The following GALNT15 variants were observed in gnomAD, a reference collection of about 807,000 sequenced individuals.
GALNT15 encodes the protein UDP-GalNAc transferase T15.
Under a neutral mutation model 66.8 loss-of-function variants are expected in GALNT15, and 67 were observed. The ratio of observed to expected loss-of-function variants is 1.00; its 90% CI spans 0.82 to 1.23. The LOEUF is 1.23. Among genes scored for constraint, GALNT15 ranks in the 50% most tolerant of loss-of-function variants. The pLI, the probability that GALNT15 is intolerant of heterozygous loss-of-function variation, is 0.00. For synonymous variants in GALNT15, 313 were observed against 311.5 expected (o/e 1.00, Z -0.05); for missense variants, 827 against 804.3 (o/e 1.03, Z -0.34).
rs1491187404 is a variant in GALNT15 at position 16,203,543 on chromosome 3, T to TCTCTCTCA, written c.911+2721_911+2722insTCTCTCAC. Reference sequence around the variant, plus strand: ...CATTCTCTCTCTCTCTCTCTCTCTCTCACACACACACACACACACACACAC... The same window carrying TCTCTCTCA: ...CATTCTCTCTCTCTCTCTCTCTCTCTCTCTCTCACACACACACACACACACACACACAC... On this transcript the variant is annotated intron_variant, in intron 3 of 9. Transcript: ENST00000339732. The surrounding 1 kb of genome is among the most constrained non-coding windows in gnomAD (Gnocchi z 6.2). 1.9e-3 allele frequency among the ~76,000 whole-genome samples: 114 copies of TCTCTCTCA among 61,146 alleles called. 1 individual carries two copies. Among genetic ancestry groups the TCTCTCTCA allele is most frequent in the African/African-American group, 6.0e-3 (109 of 18,300 alleles). 40.1% of individuals were successfully genotyped at this position (61,146 alleles called of 152,430 possible).
chr3:16,200,281 G>T lies in GALNT15; in HGVS notation c.707-338G>T, dbSNP rs2063685370. Among the ~76,000 whole-genome samples, 2 of 152,178 alleles carry T rather than the reference G, an allele frequency of 1.3e-5. No individual in the cohort carries two copies. The highest frequency in any genetic ancestry group is 4.8e-5 in the African/African-American group (2 of 41,444). On this transcript the variant is annotated intron_variant, in intron 2 of 9. Coordinates refer to ENST00000339732, the MANE Select transcript of GALNT15 (RefSeq NM_054110.5). The surrounding 1 kb of genome is among the most constrained non-coding windows in gnomAD (Gnocchi z 4.4). ...AGGGATTATGGGGATTACCACTCAA[G>T]ATGAGATCTGGGTGGGGACAAAGAG...
downstream of GALNT15, among the ~76,000 whole-genome samples, chr3:16,230,616 A>G (rs369694300): frequency 7.2e-5 from 11 of 152,356 alleles, 1 homozygote; most frequent in East Asian, 1.3e-3. The surrounding 1 kb of genome is among the most constrained non-coding windows in gnomAD (Gnocchi z 4.5). Context: ...GATAGTGTAC[A>G]TAATATGTAG....
chr3:16,185,473 G>A (rs2063507511), intron 1 of GALNT15, among the ~76,000 whole-genome samples: 1 of 152,134 alleles, frequency 6.6e-6, no homozygotes. Context: ...TGGAGAGCAG[G>A]TTTCCTAAAA....
chr3:16,201,176 CTTTTTCTT>C (rs2063697280), intron 3 of GALNT15, among the ~76,000 whole-genome samples: 1 of 36,940 alleles, frequency 2.7e-5, no homozygotes, highest in African/African-American at 8.5e-5. Context: ...TTTTCTTTTT[CTTTTTCTT>C]TTTCTTTTTC....
chr3:16,233,124 C>G (rs1432353726), downstream of GALNT15, among the ~76,000 whole-genome samples: 2 of 23,388 alleles, frequency 8.6e-5, no homozygotes, highest in Non-Finnish European at 8.5e-5. Context: ...GAAACGGAGT[C>G]TGGCTGTGTC....
At chr3:16,212,047 C>T (rs1338785199) in intron 5 of GALNT15, among the ~76,000 whole-genome samples, 2 of 152,114 alleles carry the variant, frequency 1.3e-5, no homozygotes, top group Non-Finnish European at 2.9e-5. Context: ...GTCTTCCTGC[C>T]GAATGAACTC....
At position 16,184,865 on chromosome 3, in the gene GALNT15, GT is replaced by G. The variant is rs764735965; in HGVS notation, c.539+9176del. On this transcript the variant is annotated intron_variant, in intron 1 of 9. Transcript: ENST00000339732. This position sits in a 1 kb window ranked among gnomAD's most constrained non-coding sequence, Gnocchi z 5.0. ...CTACCCTCTGCCCTTAGGGGTGAGG[GT>G]GCTGGGTGTTTAATAAACCAACTCT... is the stretch of plus-strand genomic sequence containing the variant. Among the ~76,000 whole-genome samples, 11 of 152,176 alleles carry G rather than the reference GT, an allele frequency of 7.2e-5. No homozygotes were observed. The highest frequency in any genetic ancestry group is 1.6e-4 in the Non-Finnish European group (11 of 68,020).
Position 16,184,970 on chromosome 3 carries a change from G to C in GALNT15, c.539+9280G>C, listed in dbSNP as rs1559676240. 6.6e-6 allele frequency among the ~76,000 whole-genome samples: 1 copy of C among 152,202 alleles called. No homozygotes were observed. Among genetic ancestry groups the C allele is most frequent in the Non-Finnish European group, 1.5e-5 (1 of 68,046 alleles). On this transcript the variant is annotated intron_variant, in intron 1 of 9. Transcript: ENST00000339732. The surrounding 1 kb of genome is among the most constrained non-coding windows in gnomAD (Gnocchi z 5.0). ...CAGCTCTTCAGGGATGCTCTGACTG[G>C]GGAAATCACACTGGTCAGCCAGAGA... is the stretch of plus-strand genomic sequence containing the variant.
At position 16,203,541 on chromosome 3, in the gene GALNT15, T is replaced by TCACACACACACA. The variant is rs1313366291; in HGVS notation, c.911+2719_911+2720insACACACACACAC. Among the ~76,000 whole-genome samples the TCACACACACACA allele has an allele frequency of 3.4e-5, 2 of 58,630 alleles. No homozygotes were observed. Among genetic ancestry groups the TCACACACACACA allele is most frequent in the African/African-American group, 1.1e-4 (2 of 18,778 alleles). The allele number at this position is 58,630 out of a possible 152,430, so 38.5% of individuals were successfully genotyped here. ...CTCATTCTCTCTCTCTCTCTCTCTC[T>TCACACACACACA]CTCACACACACACACACACACACAC... is the stretch of plus-strand genomic sequence containing the variant. On this transcript the variant is annotated intron_variant, in intron 3 of 9. Coordinates refer to ENST00000339732, the MANE Select transcript of GALNT15 (RefSeq NM_054110.5). The surrounding 1 kb of genome is among the most constrained non-coding windows in gnomAD (Gnocchi z 6.2).
At chr3:16,220,898 C>T (rs145483291) in intron 8 of GALNT15, among the ~76,000 whole-genome samples, 94 of 152,298 alleles carry the variant, frequency 6.2e-4, no homozygotes, top group African/African-American at 2.2e-3. Context: ...ATCCATCCGG[C>T]CTCCTTTGGC....
chr3:16,213,903 C>T (rs1053577889), intron 6 of GALNT15, among the ~76,000 whole-genome samples: 4 of 152,218 alleles, frequency 2.6e-5, no homozygotes, highest in African/African-American at 9.6e-5. Context: ...CCAATCCTTT[C>T]CCTAAGTGGG....
chr3:16,243,981 G>C, the GALNT15 span: 119 of 984,810 alleles, frequency 1.2e-4, no homozygotes, highest in Non-Finnish European at 1.4e-4. Flanking sequence ...AGACCTGGGG[G>C]TTGATGACTT....
At position 16,223,691 on chromosome 3, in the gene GALNT15, C is replaced by CT. The variant is rs11293776; in HGVS notation, c.1773+952dup. Among the ~76,000 whole-genome samples, 1,170 of 124,600 alleles carry CT rather than the reference C, an allele frequency of 9.4e-3. 17 individuals are homozygous for CT. The highest frequency in any genetic ancestry group is 0.023 in the African/African-American group (769 of 33,226). The allele number at this position is 124,600 out of a possible 152,430, so 81.7% of individuals were successfully genotyped here. On this transcript the variant is annotated intron_variant, in intron 9 of 9. Transcript: ENST00000339732. ...GGGGCCCACACATGCTCAAAGAAGT[C>CT]TTTTTTTTTTTTTTTTTTTGGGACA...
At position 16,181,193 on chromosome 3, in the gene GALNT15, C is replaced by T. The variant is rs536192290; in HGVS notation, c.539+5503C>T. On this transcript the variant is annotated intron_variant, in intron 1 of 9. Coordinates refer to ENST00000339732, the MANE Select transcript of GALNT15 (RefSeq NM_054110.5). The surrounding 1 kb of genome is among the most constrained non-coding windows in gnomAD (Gnocchi z 5.9). ...TTTCTGGCCCTGGAGGCTGCTAAATCATCATAAATGTGCAGGTACATTGGA... is the reference window on the plus strand; with the variant it reads ...TTTCTGGCCCTGGAGGCTGCTAAATTATCATAAATGTGCAGGTACATTGGA... Among the ~76,000 whole-genome samples the T allele has an allele frequency of 4.5e-4, 68 of 152,280 alleles. No homozygotes were observed. The highest frequency in any genetic ancestry group is 7.2e-4 in the Non-Finnish European group (49 of 68,022).
chr3:16,239,606 A>G, the GALNT15 span, among the ~76,000 whole-genome samples: 1 of 152,230 alleles, frequency 6.6e-6, no homozygotes, highest in Admixed American at 6.5e-5. The surrounding 1 kb of genome is among the most constrained non-coding windows in gnomAD (Gnocchi z 5.2). Context: ...CACTGCTATC[A>G]TAATCGGTCA....
downstream of GALNT15, among the ~76,000 whole-genome samples, chr3:16,233,244 A>G (rs1380852259): frequency 6.6e-6 from 1 of 151,492 alleles, no homozygotes; most frequent in African/African-American, 2.4e-5. Context: ...ACAGGCGTGC[A>G]TCACCACGCC....
At position 16,189,059 on chromosome 3, in the gene GALNT15, G is replaced by A. The variant is rs1157501810; in HGVS notation, c.540-6701G>A. On this transcript the variant is annotated intron_variant, in intron 1 of 9. Coordinates refer to ENST00000339732, the MANE Select transcript of GALNT15 (RefSeq NM_054110.5). This position sits in a 1 kb window ranked among gnomAD's most constrained non-coding sequence, Gnocchi z 5.1. Reference sequence around the variant, plus strand: ...CTATTACAAGCTTTATCCTTCTGAAGGGAAGTCATCCTGCATTTTAACAAC... The same window carrying A: ...CTATTACAAGCTTTATCCTTCTGAAAGGAAGTCATCCTGCATTTTAACAAC... Among the ~76,000 whole-genome samples the A allele has an allele frequency of 6.6e-6, 1 of 152,074 alleles. No individual in the cohort carries two copies.
At chr3:16,205,952 G>T (rs1260150673) in intron 3 of GALNT15, among the ~76,000 whole-genome samples, 1 of 152,168 alleles carries the variant, frequency 6.6e-6, no homozygotes, top group Non-Finnish European at 1.5e-5. Flanking sequence ...GGAATCAGGG[G>T]TAATACAGTT....
downstream of GALNT15, among the ~76,000 whole-genome samples, chr3:16,232,481 T>A (rs377211120): frequency 0.023 from 1,260 of 54,218 alleles, 44 homozygotes; most frequent in African/African-American, 0.053. Context: ...TATATATATA[T>A]ATATATATAT....
Sources: allele counts gnomAD v4.1 joint callset (sites outside exome capture counted in the v4.1 genomes callset), GRCh38; gene constraint gnomAD v4.1.1; non-coding constraint Gnocchi (gnomAD v3.1); transcripts MANE v1.5; gene names NCBI Gene and HGNC (gene_info 2026-07-23, HGNC 2026-07-21).